RBMS1: variants seen among roughly 807,000 people sequenced by gnomAD.
RBMS1 encodes RNA-binding motif, single-stranded-interacting protein 1.
In RBMS1, 17 loss-of-function variants were observed where a neutral mutation model predicts 62.3. The ratio of observed to expected loss-of-function variants is 0.27; its 90% CI spans 0.19 to 0.41. The LOEUF is 0.41. Ranked by LOEUF, RBMS1 falls within the 10% of genes least tolerant of loss-of-function variation. The probability of loss-of-function intolerance (pLI) is 1.00; values close to 1 mark genes in which losing one functional copy is unlikely to be tolerated. For missense variants in RBMS1, 334 were observed against 504.5 expected, an observed-to-expected ratio of 0.66 and a Z score of 3.24; for synonymous variants, 172 against 170.0, an observed-to-expected ratio of 1.01 and a Z score of -0.09.
intron 1 of RBMS1, among the ~76,000 whole-genome samples, chr2:160,487,404 T>C (rs1253333982): frequency 1.3e-5 from 2 of 152,230 alleles, no homozygotes; most frequent in Non-Finnish European, 2.9e-5. Flanking sequence ...CTTGTGTCTA[T>C]TCTGTCCTCC....
chr2:160,369,501 G>T (rs1320487808), intron 1 of RBMS1, among the ~76,000 whole-genome samples: 1 of 152,192 alleles, frequency 6.6e-6, no homozygotes, highest in Non-Finnish European at 1.5e-5. Context: ...GATTGACGCA[G>T]AGAACTTGTA....
chr2:160,295,020 G>GAA (rs80278281), intron 6 of RBMS1, among the ~76,000 whole-genome samples: 2 of 120,248 alleles, frequency 1.7e-5, no homozygotes, highest in African/African-American at 6.2e-5. Context: ...ATGTATACAA[G>GAA]AAAAAAAAAA....
chr2:160,444,608 C>T (rs1683560996), intron 1 of RBMS1, among the ~76,000 whole-genome samples: 1 of 152,220 alleles, frequency 6.6e-6, no homozygotes, highest in South Asian at 2.1e-4. Flanking sequence ...CCAGAACCCA[C>T]TGCCTTTGTG....
chr2:160,427,594 T>G (rs72623126), intron 1 of RBMS1, among the ~76,000 whole-genome samples: 6 of 152,214 alleles, frequency 3.9e-5, no homozygotes, highest in African/African-American at 1.2e-4. Flanking sequence ...ATTACATTTT[T>G]AAAATATCAA....
intron 2 of RBMS1, among the ~76,000 whole-genome samples, chr2:160,340,584 C>T (rs564632714): frequency 8.6e-5 from 13 of 152,018 alleles, no homozygotes; most frequent in African/African-American, 3.1e-4. Context: ...AGATCTGAGG[C>T]AGGTGCAAAT....
intron 2 of RBMS1, among the ~76,000 whole-genome samples, chr2:160,341,511 A>G (rs1453345126): frequency 6.6e-6 from 1 of 152,154 alleles, no homozygotes; most frequent in Non-Finnish European, 1.5e-5. Flanking sequence ...CAAAAGGGGA[A>G]GGGGAATCTC....
intron 7 of RBMS1, among the ~76,000 whole-genome samples, chr2:160,286,376 G>A (rs957742672): frequency 6.9e-6 from 1 of 145,320 alleles, no homozygotes; most frequent in African/African-American, 2.6e-5. Context: ...CTGGAGTGCA[G>A]TGGCATGATC....
intron 2 of RBMS1, among the ~76,000 whole-genome samples, chr2:160,334,304 A>G (rs1373114888): frequency 6.6e-6 from 1 of 152,206 alleles, no homozygotes; most frequent in Non-Finnish European, 1.5e-5. Context: ...AGCAATGAAT[A>G]TGTGGGCAGT....
intron 2 of RBMS1, among the ~76,000 whole-genome samples, chr2:160,332,499 A>G (rs573777008): frequency 6.6e-6 from 1 of 152,262 alleles, no homozygotes; most frequent in South Asian, 2.1e-4. Flanking sequence ...TCTGGGATTC[A>G]GCTGAAGTGA....
At chr2:160,395,708 T>C (rs1327549095) in intron 1 of RBMS1, among the ~76,000 whole-genome samples, 1 of 151,870 alleles carries the variant, frequency 6.6e-6, no homozygotes, top group Non-Finnish European at 1.5e-5. Context: ...TCAGAAACTG[T>C]AATAACATCT....
rs191526023 is a variant in RBMS1 at position 160,408,227 on chromosome 2, G to C, written c.76-40836C>G. On this transcript the variant is annotated intron_variant, in intron 1 of 13. Coordinates refer to ENST00000348849, the MANE Select transcript of RBMS1 (RefSeq NM_016836.4). Reference sequence around the variant, plus strand: ...CAGCGGCAGCTTTGCACCCCGGCTCGAAGCCCCTTTTAAGGTCGTCGCTTC... The same window carrying C: ...CAGCGGCAGCTTTGCACCCCGGCTCCAAGCCCCTTTTAAGGTCGTCGCTTC... 2.2e-4 allele frequency among the ~76,000 whole-genome samples: 33 copies of C among 151,664 alleles called. No homozygotes were observed. In the East Asian group the frequency reaches 6.1e-3, roughly 28 times the overall value.
chr2:160,352,383 G>A (rs1375296350), intron 2 of RBMS1, among the ~76,000 whole-genome samples: 1 of 152,098 alleles, frequency 6.6e-6, no homozygotes, highest in East Asian at 1.9e-4. Context: ...TGGAACAGTG[G>A]CTACCAAATT....
chr2:160,381,798 A>T (rs1373059961), intron 1 of RBMS1, among the ~76,000 whole-genome samples: 1 of 152,228 alleles, frequency 6.6e-6, no homozygotes, highest in Non-Finnish European at 1.5e-5. Flanking sequence ...TGGCTCAAGA[A>T]ACTGGTTGCA....
intron 5 of RBMS1, 88 bp from the exon 6 acceptor site, chr2:160,300,818 T>C: frequency 2.3e-6 from 3 of 1,319,832 alleles, no homozygotes; most frequent in Non-Finnish European, 2.0e-6. Flanking sequence ...TTCTTATAGG[T>C]TTTTTGGATA....
At chr2:160,438,685 C>G (rs1439502446) in intron 1 of RBMS1, among the ~76,000 whole-genome samples, 1 of 152,202 alleles carries the variant, frequency 6.6e-6, no homozygotes, top group East Asian at 1.9e-4. Context: ...GGCAACCATC[C>G]GATTTCTCAG....
intron 1 of RBMS1, among the ~76,000 whole-genome samples, chr2:160,421,494 T>C (rs1401586543): frequency 2.0e-5 from 3 of 152,238 alleles, no homozygotes; most frequent in Non-Finnish European, 4.4e-5. Flanking sequence ...TTTTTATGGC[T>C]GCATAGTATT....
rs147671217 is a variant in RBMS1, at chr2:160,285,087, C to T, written c.757-43G>A. On this transcript the variant is annotated intron_variant, in intron 7 of 13. Transcript: ENST00000348849. The stretch of plus-strand genomic sequence containing the variant: ...AAATATAAACATTCATCTAGAAAGG[C>T]ATGATTTAAAAATTCTATTTTTAGC... 1.2e-4 allele frequency: 183 copies of T among 1,579,226 alleles called. 1 individual carries two copies. In the East Asian group the frequency reaches 4.0e-3, roughly 35 times the overall value.
At chr2:160,443,925 CAGAAACTCTACTTGTAG>C (rs1683528680) in intron 1 of RBMS1, among the ~76,000 whole-genome samples, 3 of 152,114 alleles carry the variant, frequency 2.0e-5, no homozygotes, top group Admixed American at 2.0e-4. Flanking sequence ...TCTGTACTTG[CAGAAACTCTACTTGTAG>C]AGTTTCTGGT....
At chr2:160,447,026 C>A (rs1683682555) in intron 1 of RBMS1, among the ~76,000 whole-genome samples, 1 of 152,218 alleles carries the variant, frequency 6.6e-6, no homozygotes. Flanking sequence ...CCTGAGAATG[C>A]AAAGTAGAAT....
Sources: allele counts gnomAD v4.1 joint callset (sites outside exome capture counted in the v4.1 genomes callset), GRCh38; gene constraint gnomAD v4.1.1; transcripts MANE v1.5; gene names NCBI Gene and HGNC (gene_info 2026-07-23, HGNC 2026-07-21).